The following MYH14 variants were observed in gnomAD, a reference collection of about 807,000 sequenced individuals.
MYH14 encodes the protein myosin heavy chain 14.
MYH14 carries 123 observed loss-of-function variants against 255.5 expected under a neutral mutation model. The ratio of observed to expected loss-of-function variants is 0.48; its 90% CI spans 0.42 to 0.56. The LOEUF (loss-of-function observed/expected upper bound fraction) is 0.56, where lower values mean the gene tolerates loss of function less well. MYH14 is among the 20% of genes least tolerant of loss of function. The probability of loss-of-function intolerance (pLI) is 0.00; values close to 1 mark genes in which losing one functional copy is unlikely to be tolerated. For synonymous variants in MYH14, 1,095 were observed against 1,161.2 expected (o/e 0.94, Z 1.16); for missense variants, 2,423 against 2,802.3 (o/e 0.86, Z 3.06).
chr19:50,304,458 T>C (rs922359699), intron 40 of MYH14, among the ~76,000 whole-genome samples: 9 of 152,016 alleles, frequency 5.9e-5, no homozygotes, highest in African/African-American at 2.2e-4. Context: ...GGAGTAGTAA[T>C]GGACACCTGT....
Position 50,278,176 on chromosome 19 carries a change from G to A in MYH14, c.3919G>A (p.Glu1307Lys), listed in dbSNP as rs777612824. 2.2e-5 allele frequency: 36 copies of A among 1,612,802 alleles called. No individual in the cohort carries two copies. The highest frequency in any genetic ancestry group is 1.4e-5 in the Non-Finnish European group (17 of 1,179,468). Residue 1307 changes from glutamate to lysine, a missense_variant, in exon 30 of 43, where the codon GAG becomes AAG. Glu to Lys is a moderately conservative substitution (Grantham distance 56, BLOSUM62 1). Around this residue, in one of 3 missense-constraint regions of MYH14, gnomAD observed 1,513 missense variants for 1,674.8 expected, o/e 0.90. Coordinates refer to ENST00000642316, the MANE Select transcript of MYH14 (RefSeq NM_001145809.2). ...GAGCAGCCTGCAGACTGCACGTCAG[G>A]AGGGTGAGCAGCGGAGGCGCCGCCT... ...ELSSLQTARQEGEQRRRRLEL... is the reference protein window; with the variant it reads ...ELSSLQTARQKGEQRRRRLEL...
Position 50,230,772 on chromosome 19 carries a change from C to T in MYH14, c.973+149C>T. On this transcript the variant is annotated intron_variant, in intron 9 of 42. Coordinates refer to ENST00000642316, the MANE Select transcript of MYH14 (RefSeq NM_001145809.2). The surrounding 1 kb of genome is among the most constrained non-coding windows in gnomAD (Gnocchi z 4.7). ...ATGAGGCTCCCGCAGCCCCTGCTCT[C>T]GCTGCGTAGTGGCGTCTGTCGCACG... is the stretch of plus-strand genomic sequence containing the variant. 4.6e-6 allele frequency: 3 copies of T among 658,928 alleles called. No individual in the cohort carries two copies. The highest frequency in any genetic ancestry group is 7.9e-6 in the Non-Finnish European group (3 of 378,652). 40.8% of individuals were successfully genotyped at this position (658,928 alleles called of 1,614,324 possible). A position where few individuals can be genotyped will look rare whatever the true frequency, so the allele number is the denominator to read the frequency against.
At chr19:50,215,049 G>A (rs2032399841) in intron 2 of MYH14, among the ~76,000 whole-genome samples, 1 of 152,162 alleles carries the variant, frequency 6.6e-6, no homozygotes, top group Non-Finnish European at 1.5e-5. Context: ...AGAGCCCCGA[G>A]GGCTGGAGCA....
At chr19:50,213,315 C>T (rs1177248807) in intron 2 of MYH14, among the ~76,000 whole-genome samples, 1 of 152,160 alleles carries the variant, frequency 6.6e-6, no homozygotes, top group African/African-American at 2.4e-5. Context: ...GCTGTCATCC[C>T]CGCTCTGCAG....
chr19:50,225,526 T>C, intron 6 of MYH14, 59 bp from the exon 7 acceptor site: 1 of 1,378,776 alleles, frequency 7.3e-7, no homozygotes, highest in Admixed American at 1.9e-5. Context: ...CGAGCTGGGC[T>C]GGCCTGGCCT....
At chr19:50,262,659 G>A (rs1216243312) in intron 21 of MYH14, among the ~76,000 whole-genome samples, 1 of 152,048 alleles carries the variant, frequency 6.6e-6, no homozygotes, top group Non-Finnish European at 1.5e-5. Context: ...GGGGAGGGGT[G>A]GGTCAGCTCT....
intron 5 of MYH14, 115 bp from the exon 6 acceptor site, chr19:50,224,039 T>TCCCCCCTCCCCCCC: frequency 1.4e-5 from 6 of 415,106 alleles, no homozygotes; most frequent in Admixed American, 3.2e-5. Context: ...GTTTCCCCAG[T>TCCCCCCTCCCCCCC]CCCCCTTCCC....
chr19:50,298,641 C>G (rs1465871760), intron 39 of MYH14, among the ~76,000 whole-genome samples: 1 of 151,472 alleles, frequency 6.6e-6, no homozygotes, highest in Non-Finnish European at 1.5e-5. Flanking sequence ...GTCCCAGCTA[C>G]TCAGCAGGGT....
intron 17 of MYH14, among the ~76,000 whole-genome samples, chr19:50,256,353 C>T (rs1420767412): frequency 3.3e-5 from 5 of 152,128 alleles, no homozygotes; most frequent in African/African-American, 7.2e-5. Flanking sequence ...AAAGCAGCAC[C>T]GCCAAGCGGC....
chr19:50,248,575 G>T (rs2034227982), intron 12 of MYH14, among the ~76,000 whole-genome samples: 2 of 152,202 alleles, frequency 1.3e-5, no homozygotes, highest in Admixed American at 1.3e-4. Context: ...TCTCAGCTGG[G>T]GTACTGTTGT....
At chr19:50,241,904 C>G (rs2033906136) in intron 10 of MYH14, among the ~76,000 whole-genome samples, 1 of 152,226 alleles carries the variant, frequency 6.6e-6, no homozygotes, top group African/African-American at 2.4e-5. Flanking sequence ...TTTGCCCTCC[C>G]AAAGTGCTGG....
At chr19:50,223,801 A>G (rs2032960953) in intron 5 of MYH14, among the ~76,000 whole-genome samples, 1 of 152,074 alleles carries the variant, frequency 6.6e-6, no homozygotes, top group South Asian at 2.1e-4. Flanking sequence ...GTTGTTGGTC[A>G]TGCACCGAGG....
chr19:50,212,725 C>T (rs1411081929), intron 2 of MYH14, among the ~76,000 whole-genome samples: 1 of 152,174 alleles, frequency 6.6e-6, no homozygotes, highest in Non-Finnish European at 1.5e-5. Flanking sequence ...GTGGCTGGCT[C>T]AGGGTCCCTC....
At chr19:50,270,558 A>G (rs2035259653) in intron 24 of MYH14, among the ~76,000 whole-genome samples, 1 of 151,600 alleles carries the variant, frequency 6.6e-6, no homozygotes, top group African/African-American at 2.4e-5. Context: ...AAATTTAAAC[A>G]GAATAAAATA....
chr19:50,290,338 A>G (rs1413709551), intron 35 of MYH14, among the ~76,000 whole-genome samples: 2 of 152,004 alleles, frequency 1.3e-5, no homozygotes, highest in Non-Finnish European at 2.9e-5. Context: ...CCCTCCCTGC[A>G]TCGTTCATTC....
chr19:50,251,962 G>T (rs764123875), intron 15 of MYH14, among the ~76,000 whole-genome samples: 20 of 152,204 alleles, frequency 1.3e-4, no homozygotes, highest in Non-Finnish European at 2.6e-4. Flanking sequence ...TGGTTTTGAT[G>T]ATGTGGACCA....
intron 3 of MYH14, among the ~76,000 whole-genome samples, chr19:50,219,907 T>A (rs1240036760): frequency 6.6e-6 from 1 of 152,090 alleles, no homozygotes; most frequent in East Asian, 1.9e-4. Context: ...TTACATCATA[T>A]AACATATAAT....
Position 50,250,161 on chromosome 19 carries a change from C to T in MYH14, c.1656+338C>T, listed in dbSNP as rs183787825. 2.0e-5 allele frequency among the ~76,000 whole-genome samples: 3 copies of T among 152,282 alleles called. No homozygotes were observed. The highest frequency in any genetic ancestry group is 7.2e-5 in the African/African-American group (3 of 41,546). On this transcript the variant is annotated intron_variant, in intron 14 of 42. Coordinates refer to ENST00000642316, the MANE Select transcript of MYH14 (RefSeq NM_001145809.2). The surrounding 1 kb of genome is among the most constrained non-coding windows in gnomAD (Gnocchi z 5.4). ...TATCGCCCAGGCTGGAGTGCAGCGG[C>T]GCGATCTCTGCTTACTGCAAGCTTC...
Position 50,297,299 on chromosome 19 carries a change from C to G in MYH14, c.5469+3612C>G, listed in dbSNP as rs182930536. Among the ~76,000 whole-genome samples the G allele has an allele frequency of 1.4e-3, 208 of 151,794 alleles. 2 individuals carry two copies. Among genetic ancestry groups the G allele is most frequent in the African/African-American group, 4.6e-3 (189 of 41,456 alleles). ...GCGCCCGGCCAGGAATGTATTCTCT[C>G]GTGGTCCTGGAGGCCAGAGGTCTGA... On this transcript the variant is annotated intron_variant, in intron 39 of 42. Coordinates refer to ENST00000642316, the MANE Select transcript of MYH14 (RefSeq NM_001145809.2).
Sources: allele counts gnomAD v4.1 joint callset (sites outside exome capture counted in the v4.1 genomes callset), GRCh38; gene constraint gnomAD v4.1.1; regional missense constraint gnomAD v4.1.1; non-coding constraint Gnocchi (gnomAD v3.1); transcripts MANE v1.5; gene names NCBI Gene and HGNC (gene_info 2026-07-23, HGNC 2026-07-21).